Variants in CACNA2D3 observed in about 807,000 individuals in gnomAD.
CACNA2D3 encodes voltage-dependent calcium channel subunit alpha-2/delta-3.
In CACNA2D3, 60 loss-of-function variants were observed where a neutral mutation model predicts 160.6. That is an observed-to-expected ratio of 0.37 (90% CI 0.30 to 0.46). CACNA2D3 has a LOEUF of 0.46. Among genes scored for constraint, CACNA2D3 ranks in the 20% least tolerant of loss-of-function variants. CACNA2D3 has a pLI of 1.00. For missense variants in CACNA2D3, 1,205 were observed against 1,365.0 expected (o/e 0.88, Z 1.85); for synonymous variants, 558 against 492.9 (o/e 1.13, Z -1.75).
intron 3 of CACNA2D3, among the ~76,000 whole-genome samples, chr3:54,337,586 C>T (rs1284903382): frequency 6.6e-6 from 1 of 152,176 alleles, no homozygotes; most frequent in Non-Finnish European, 1.5e-5. Context: ...GAAGACTAGA[C>T]TGGTCCTTTT....
intron 3 of CACNA2D3, among the ~76,000 whole-genome samples, chr3:54,357,716 A>G (rs1242598476): frequency 6.6e-6 from 1 of 152,246 alleles, no homozygotes; most frequent in Non-Finnish European, 1.5e-5. Flanking sequence ...ACTGCAGACA[A>G]TGGAATGTTA....
intron 8 of CACNA2D3, among the ~76,000 whole-genome samples, chr3:54,573,761 A>G (rs1702536870): frequency 6.6e-6 from 1 of 152,244 alleles, no homozygotes; most frequent in South Asian, 2.1e-4. Context: ...AGGCTTCTAA[A>G]TAATAGGAGA....
chr3:54,391,777 CT>C, intron 4 of CACNA2D3, among the ~76,000 whole-genome samples: 1 of 152,146 alleles, frequency 6.6e-6, no homozygotes, highest in Non-Finnish European at 1.5e-5. Context: ...TCCCAAAGTG[CT>C]GGGATTATAG....
At chr3:54,676,378 A>G (rs964997390) in intron 11 of CACNA2D3, among the ~76,000 whole-genome samples, 2 of 152,032 alleles carry the variant, frequency 1.3e-5, no homozygotes, top group Non-Finnish European at 2.9e-5. Context: ...TGTCTCTCCC[A>G]GCACTTAGCA....
chr3:55,017,444 TATC>T (rs1176770154), intron 34 of CACNA2D3, among the ~76,000 whole-genome samples: 11 of 152,264 alleles, frequency 7.2e-5, no homozygotes, highest in African/African-American at 1.2e-4. Flanking sequence ...CTATTATTAT[TATC>T]ATTATTTGAC....
At chr3:54,349,616 T>C (rs1273970066) in intron 3 of CACNA2D3, among the ~76,000 whole-genome samples, 1 of 152,200 alleles carries the variant, frequency 6.6e-6, no homozygotes, top group Non-Finnish European at 1.5e-5. Flanking sequence ...ATCTATACAA[T>C]CACCCACAAG....
At chr3:54,619,555 TACAC>T (rs2106801543) in intron 9 of CACNA2D3, among the ~76,000 whole-genome samples, 1 of 152,342 alleles carries the variant, frequency 6.6e-6, no homozygotes, top group East Asian at 1.9e-4. Context: ...ATCAATTTGT[TACAC>T]ACACGTAAAG....
At position 55,033,344 on chromosome 3, in the gene CACNA2D3, G is replaced by T. The variant is rs369472700; in HGVS notation, c.2987+15027G>T. Reference sequence around the variant, plus strand: ...GTGTGGTACATAGGATATGCAATAAGAATTAAGTCTCTGCCACCCATAATC... The same window carrying T: ...GTGTGGTACATAGGATATGCAATAATAATTAAGTCTCTGCCACCCATAATC... On this transcript the variant is annotated intron_variant, in intron 35 of 37. Transcript: ENST00000474759. Among the ~76,000 whole-genome samples the T allele has an allele frequency of 4.6e-5, 7 of 152,134 alleles. No homozygotes were observed. In the East Asian group the frequency reaches 7.7e-4, roughly 17 times the overall value.
At chr3:54,307,686 C>T (rs1380527001) in intron 2 of CACNA2D3, among the ~76,000 whole-genome samples, 6 of 152,200 alleles carry the variant, frequency 3.9e-5, no homozygotes, top group African/African-American at 1.4e-4. Flanking sequence ...CTCATTCTGG[C>T]TTTTGGCCCT....
At chr3:54,847,142 C>T (rs887715302) in intron 17 of CACNA2D3, among the ~76,000 whole-genome samples, 2 of 152,234 alleles carry the variant, frequency 1.3e-5, no homozygotes, top group African/African-American at 4.8e-5. Flanking sequence ...AACCCACATC[C>T]CTGGGCAAGG....
chr3:54,364,044 A>G, intron 3 of CACNA2D3, among the ~76,000 whole-genome samples: 1 of 152,202 alleles, frequency 6.6e-6, no homozygotes, highest in East Asian at 1.9e-4. Flanking sequence ...ATGATTGATT[A>G]GAACATTATG....
intron 13 of CACNA2D3, among the ~76,000 whole-genome samples, chr3:54,771,650 C>A (rs898492152): frequency 3.3e-5 from 5 of 152,234 alleles, no homozygotes; most frequent in African/African-American, 1.2e-4. Flanking sequence ...AGCAAAAATA[C>A]ATCTCTCTGA....
At position 54,918,332 on chromosome 3, in the gene CACNA2D3, C is replaced by CTTTTTTTTTTTTTTT. The variant is rs533596688; in HGVS notation, c.2449+18473_2449+18487dup. 1,212 of 228,060 alleles carry CTTTTTTTTTTTTTTT rather than the reference C, an allele frequency of 5.3e-3. 44 individuals are homozygous for CTTTTTTTTTTTTTTT. The highest frequency in any genetic ancestry group is 7.5e-3 in the Non-Finnish European group (946 of 126,180). The allele number at this position is 228,060 out of a possible 1,614,324, so 14.1% of individuals were successfully genotyped here. On this transcript the variant is annotated intron_variant, in intron 27 of 37. Coordinates refer to ENST00000474759, the MANE Select transcript of CACNA2D3 (RefSeq NM_018398.3). ...TTTTACAGACACATCTTTTTTTTTT[C>CTTTTTTTTTTTTTTT]TTTTTTTTTTTTTTTTTTTTTTTGT...
chr3:54,662,611 C>T (rs1458493799), intron 11 of CACNA2D3, among the ~76,000 whole-genome samples: 1 of 152,226 alleles, frequency 6.6e-6, no homozygotes, highest in Non-Finnish European at 1.5e-5. Flanking sequence ...TGCCTCCTCC[C>T]TCAGCCTCAG....
At chr3:54,883,433 C>A (rs542592397) in intron 21 of CACNA2D3, among the ~76,000 whole-genome samples, 1 of 152,226 alleles carries the variant, frequency 6.6e-6, no homozygotes, top group East Asian at 1.9e-4. Flanking sequence ...ATCAGAAGGA[C>A]CAATGTCAGA....
intron 12 of CACNA2D3, among the ~76,000 whole-genome samples, 155 bp downstream of exon 12, chr3:54,752,832 A>C (rs1701888283): frequency 8.8e-6 from 1 of 113,144 alleles, no homozygotes; most frequent in Non-Finnish European, 2.0e-5. Flanking sequence ...TTTCTTCCAA[A>C]TTATGTTTTT....
intron 2 of CACNA2D3, among the ~76,000 whole-genome samples, chr3:54,158,773 A>G (rs1700287571): frequency 6.6e-6 from 1 of 152,142 alleles, no homozygotes; most frequent in Non-Finnish European, 1.5e-5. Flanking sequence ...TTGAAGCTTC[A>G]TGTCAGACCT....
chr3:54,294,123 A>G lies in CACNA2D3; in HGVS notation c.205-26319A>G, dbSNP rs547282656. On this transcript the variant is annotated intron_variant, in intron 2 of 37. Transcript: ENST00000474759. ...AGCTGGGATTTTGTACTTTCTAGCA[A>G]GGGAAACCCTGATATTCGCCAGTGC... Among the ~76,000 whole-genome samples, 40 of 152,326 alleles carry G rather than the reference A, an allele frequency of 2.6e-4. No individual in the cohort carries two copies. In the Middle Eastern group the frequency reaches 0.01, roughly 39 times the overall value.
At chr3:54,161,474 G>A (rs1187165716) in intron 2 of CACNA2D3, among the ~76,000 whole-genome samples, 3 of 152,242 alleles carry the variant, frequency 2.0e-5, no homozygotes, top group African/African-American at 7.2e-5. Context: ...TGAATTGTGA[G>A]TGTCTTTAGC....
Sources: gnomAD v4.1 joint callset for allele counts (sites outside exome capture counted in the v4.1 genomes callset) on GRCh38, gnomAD v4.1.1 for gene constraint, MANE v1.5 for transcripts, NCBI Gene and HGNC (gene_info 2026-07-23, HGNC 2026-07-21) for gene names.